The following NUP153 variants were observed in gnomAD, a reference collection of about 807,000 sequenced individuals.
NUP153 encodes nuclear pore complex protein Nup153.
In NUP153, 27 loss-of-function variants were observed where a neutral mutation model predicts 134.6. The observed-to-expected ratio is 0.20, with a 90% CI of 0.15 to 0.28. The LOEUF is 0.28. Ranked by LOEUF, NUP153 falls within the 10% of genes least tolerant of loss-of-function variation. The pLI, the probability that NUP153 is intolerant of heterozygous loss-of-function variation, is 1.00. For synonymous variants in NUP153, 640 were observed against 623.5 expected (o/e 1.03, Z -0.40); for missense variants, 1,821 against 1,731.3 (o/e 1.05, Z -0.92).
chr6:17,698,822 A>G (rs1769843543), intron 1 of NUP153, among the ~76,000 whole-genome samples: 1 of 151,516 alleles, frequency 6.6e-6, no homozygotes, highest in Non-Finnish European at 1.5e-5. Context: ...GCAGTGAGCC[A>G]AGATCGTGCC....
Position 17,626,099 on chromosome 6 carries a change from C to T in NUP153, c.3610G>A (p.Ala1204Thr). The change falls in exon 19 of 22, where the codon GCC (alanine) becomes ACC (threonine). Residue 1204 changes from alanine to threonine, a missense_variant. By Grantham distance (58) the Ala-to-Thr change is moderately conservative. Coordinates refer to ENST00000262077, the MANE Select transcript of NUP153 (RefSeq NM_005124.4). ...NNSSSSSSTP[A>T]TSAGGGIFGS... ...AATATGCCACCACCAGCAGAAGTGG[C>T]TGGTGTACTTGAACTAGAGGAACTG... The T allele has an allele frequency of 6.2e-7, 1 of 1,613,826 alleles. No individual in the cohort carries two copies. Among genetic ancestry groups the T allele is most frequent in the African/African-American group, 1.3e-5 (1 of 75,058 alleles).
chr6:17,699,247 A>G (rs1032172913), intron 1 of NUP153, among the ~76,000 whole-genome samples: 9 of 151,992 alleles, frequency 5.9e-5, no homozygotes, highest in Non-Finnish European at 8.8e-5. Flanking sequence ...CTGTAATCCC[A>G]ACACTTTGGG....
intron 1 of NUP153, among the ~76,000 whole-genome samples, chr6:17,693,501 G>C (rs562557786): frequency 2.6e-5 from 4 of 152,318 alleles, no homozygotes; most frequent in African/African-American, 9.6e-5. Context: ...AGAGAAGGTA[G>C]TAGCGTTCTG....
At chr6:17,620,220 T>C (rs1340923424) in intron 20 of NUP153, among the ~76,000 whole-genome samples, 1 of 150,072 alleles carries the variant, frequency 6.7e-6, no homozygotes, top group Admixed American at 6.7e-5. Flanking sequence ...TGAGGTATCA[T>C]ACTATCTGAC....
At chr6:17,687,852 C>G (rs1362648990) in intron 2 of NUP153, among the ~76,000 whole-genome samples, 3 of 152,130 alleles carry the variant, frequency 2.0e-5, no homozygotes, top group Non-Finnish European at 4.4e-5. Flanking sequence ...CGGTGGCTCA[C>G]GCCTGTAATC....
chr6:17,677,021 G>A (rs1272255120), intron 2 of NUP153, among the ~76,000 whole-genome samples: 1 of 152,160 alleles, frequency 6.6e-6, no homozygotes, highest in Non-Finnish European at 1.5e-5. Context: ...AGGGCTGCCA[G>A]AATTTAAAGA....
At chr6:17,635,104 C>CG (rs1765474084) in intron 16 of NUP153, among the ~76,000 whole-genome samples, 1 of 104,262 alleles carries the variant, frequency 9.6e-6, no homozygotes, top group South Asian at 3.3e-4. Context: ...CTTGGCTTAT[C>CG]TTTTTTTTTT....
Position 17,625,886 on chromosome 6 carries a change from A to G in NUP153, c.3823T>C (p.Phe1275Leu), listed in dbSNP as rs1346454330. 6.2e-7 allele frequency: 1 copy of G among 1,614,110 alleles called. No homozygotes were observed. The highest frequency in any genetic ancestry group is 1.3e-5 in the African/African-American group (1 of 74,934). ...TTATTACTGCTGGCTCCTGGACCAA[A>G]GACAAATGGGGTGACAGCTGTACCT... ...STGTAVTPFV[F>L]GPGASSNNTT... Residue 1275 changes from phenylalanine to leucine, a missense_variant, in exon 19 of 22, where the codon TTT (phenylalanine) becomes CTT (leucine). Transcript: ENST00000262077. This position sits in a 1 kb window ranked among gnomAD's most constrained non-coding sequence, Gnocchi z 4.7.
chr6:17,662,400 T>C (rs1358477722), intron 9 of NUP153, among the ~76,000 whole-genome samples: 1 of 152,166 alleles, frequency 6.6e-6, no homozygotes, highest in Non-Finnish European at 1.5e-5. Context: ...ACAAAGCTAT[T>C]CCTTTCGAAA....
At chr6:17,685,688 T>C (rs1478563361) in intron 2 of NUP153, among the ~76,000 whole-genome samples, 1 of 152,200 alleles carries the variant, frequency 6.6e-6, no homozygotes, top group African/African-American at 2.4e-5. Context: ...GCAGTCATGC[T>C]AATGTAAATA....
At chr6:17,649,088 A>C (rs1041061127) in intron 12 of NUP153, 75 bp downstream of exon 12, 2 of 1,305,374 alleles carry the variant, frequency 1.5e-6, no homozygotes, top group Admixed American at 2.4e-5. Flanking sequence ...AACACTGTTT[A>C]TAATATAGGG....
At chr6:17,695,773 G>A (rs929164934) in intron 1 of NUP153, among the ~76,000 whole-genome samples, 3 of 152,174 alleles carry the variant, frequency 2.0e-5, no homozygotes, top group Admixed American at 6.5e-5. Context: ...ACTTTAGGAG[G>A]CCAAGGTGGG....
intron 1 of NUP153, among the ~76,000 whole-genome samples, chr6:17,698,092 T>C (rs184525522): frequency 6.6e-6 from 1 of 152,348 alleles, no homozygotes; most frequent in Admixed American, 6.5e-5. Context: ...TAACTATAAA[T>C]ATCAAATGCA....
At chr6:17,684,942 C>T (rs1219634830) in intron 2 of NUP153, among the ~76,000 whole-genome samples, 1 of 152,068 alleles carries the variant, frequency 6.6e-6, no homozygotes, top group Non-Finnish European at 1.5e-5. Context: ...AAAACAATTA[C>T]AATAGTAATA....
intron 1 of NUP153, 76 bp from the exon 2 acceptor site, chr6:17,688,694 C>T: frequency 8.7e-7 from 1 of 1,155,684 alleles, no homozygotes; most frequent in Non-Finnish European, 1.2e-6. Flanking sequence ...CACTGAAAGC[C>T]AGGCCAAGCA....
rs1212018599 is a variant in NUP153 at position 17,690,389 on chromosome 6, A to AG, written c.112-1772dup. 2.6e-5 allele frequency among the ~76,000 whole-genome samples: 4 copies of AG among 152,160 alleles called. No individual in the cohort carries two copies. The East Asian group carries it at 5.8e-4, about 22-fold the overall frequency. ...AGCGAGACTCCGTCTCAAAAAAAAA[A>AG]GTATGGGCTTTGGGATTGCCAGGAC... On this transcript the variant is annotated intron_variant, in intron 1 of 21. Coordinates refer to ENST00000262077, the MANE Select transcript of NUP153 (RefSeq NM_005124.4).
intron 9 of NUP153, among the ~76,000 whole-genome samples, chr6:17,664,719 T>C (rs887017116): frequency 6.6e-6 from 1 of 151,964 alleles, no homozygotes; most frequent in Non-Finnish European, 1.5e-5. Context: ...AAACAATGGG[T>C]ACATGCTAGA....
chr6:17,646,918 CT>C (rs376244443), intron 13 of NUP153, among the ~76,000 whole-genome samples: 1,600 of 131,084 alleles, frequency 0.012, 20 homozygotes, highest in African/African-American at 0.039. Context: ...TCTGTATTTT[CT>C]TTTTTTTTTT....
chr6:17,675,145 T>C lies in NUP153; in HGVS notation c.723+84A>G. 6.5e-7 allele frequency: 1 copy of C among 1,539,640 alleles called. No individual in the cohort carries two copies. Among genetic ancestry groups the C allele is most frequent in the East Asian group, 2.3e-5 (1 of 44,106 alleles). ...TCAAGCCTGGGCAACAGCAAAAGAC[T>C]CTTGTCTCAGAAAAAAAAAAAAAAA... On this transcript the variant is annotated intron_variant, in intron 4 of 21. Coordinates refer to ENST00000262077, the MANE Select transcript of NUP153 (RefSeq NM_005124.4). This position sits in a 1 kb window ranked among gnomAD's most constrained non-coding sequence, Gnocchi z 4.4.
Sources: allele counts gnomAD v4.1 joint callset (sites outside exome capture counted in the v4.1 genomes callset), GRCh38; gene constraint gnomAD v4.1.1; non-coding constraint Gnocchi (gnomAD v3.1); transcripts MANE v1.5; gene names NCBI Gene and HGNC (gene_info 2026-07-23, HGNC 2026-07-21).